Variants in CDH13 observed in about 807,000 individuals in gnomAD.
CDH13 encodes the protein cadherin 13.
A neutral mutation model predicts 63.8 loss-of-function variants in CDH13; 24 were observed. The ratio of observed to expected loss-of-function variants is 0.38; its 90% CI spans 0.27 to 0.53. The LOEUF (loss-of-function observed/expected upper bound fraction) is 0.53. Among genes scored for constraint, CDH13 ranks in the 20% least tolerant of loss-of-function variants. CDH13 has a pLI of 0.85. For missense variants in CDH13, 1,049 were observed against 903.1 expected (o/e 1.16, Z -2.07); for synonymous variants, 503 against 355.3 (o/e 1.42, Z -4.67).
At chr16:83,731,448 C>T (rs1402043544) in intron 10 of CDH13, among the ~76,000 whole-genome samples, 1 of 152,118 alleles carries the variant, frequency 6.6e-6, no homozygotes, top group Non-Finnish European at 1.5e-5. Context: ...TGTTTGTTGA[C>T]CGCACGTATG....
chr16:82,784,338 C>T (rs1286987234), intron 1 of CDH13, among the ~76,000 whole-genome samples: 1 of 152,178 alleles, frequency 6.6e-6, no homozygotes, highest in Non-Finnish European at 1.5e-5. Flanking sequence ...TGGACTGTGC[C>T]TGGAAGTGGC....
intron 1 of CDH13, among the ~76,000 whole-genome samples, chr16:82,761,773 G>T (rs2034866011): frequency 2.0e-5 from 3 of 152,178 alleles, no homozygotes; most frequent in Admixed American, 2.0e-4. Context: ...CTAAGAGTGA[G>T]AATGATTCAA....
At chr16:83,309,596 C>T (rs751218613) in intron 5 of CDH13, among the ~76,000 whole-genome samples, 4 of 151,934 alleles carry the variant, frequency 2.6e-5, no homozygotes, top group Non-Finnish European at 5.9e-5. Context: ...AGGCTGATCT[C>T]GAACTCCTGA....
chr16:83,679,202 A>G (rs1347850831), intron 10 of CDH13, among the ~76,000 whole-genome samples: 2 of 152,226 alleles, frequency 1.3e-5, no homozygotes, highest in South Asian at 2.1e-4. Flanking sequence ...AATGGTCGCT[A>G]TCCACCCGTG....
At position 83,032,696 on chromosome 16, in the gene CDH13, C is replaced by G. The variant is rs372621571; in HGVS notation, c.366+478C>G. On this transcript the variant is annotated intron_variant, in intron 3 of 13. Coordinates refer to ENST00000567109, the MANE Select transcript of CDH13 (RefSeq NM_001257.5). ...TCGTAGGTTAGATCATGTGTCCACC[C>G]CTGAACTAAACATGGTGTCCATTGG... Among the ~76,000 whole-genome samples the G allele has an allele frequency of 1.3e-4, 20 of 152,192 alleles. No individual in the cohort carries two copies. The East Asian group carries it at 3.1e-3, about 24-fold the overall frequency.
intron 10 of CDH13, among the ~76,000 whole-genome samples, chr16:83,745,024 G>A (rs748363551): frequency 1.3e-5 from 2 of 152,090 alleles, no homozygotes; most frequent in Non-Finnish European, 2.9e-5. Flanking sequence ...ATATCTCTAG[G>A]CCTCTCAGTT....
chr16:83,614,908 G>A (rs946439496), intron 8 of CDH13, among the ~76,000 whole-genome samples: 2 of 152,178 alleles, frequency 1.3e-5, no homozygotes, highest in African/African-American at 4.8e-5. Context: ...AGTTTAAAAT[G>A]TTTGAAGTGT....
chr16:82,776,855 A>G (rs2035523251), intron 1 of CDH13, among the ~76,000 whole-genome samples: 1 of 152,216 alleles, frequency 6.6e-6, no homozygotes, highest in Non-Finnish European at 1.5e-5. Context: ...AGCATTTTGC[A>G]CAGAACCAAA....
intron 2 of CDH13, among the ~76,000 whole-genome samples, chr16:82,998,306 T>A (rs1190726620): frequency 1.3e-5 from 2 of 152,248 alleles, no homozygotes. Context: ...ATATATTGAC[T>A]GAAGACATTT....
chr16:83,794,527 G>A (rs1203646006), intron 13 of CDH13, among the ~76,000 whole-genome samples: 1 of 152,116 alleles, frequency 6.6e-6, no homozygotes, highest in Non-Finnish European at 1.5e-5. Context: ...CACTCCAGCT[G>A]GGGCAACAGA....
intron 5 of CDH13, among the ~76,000 whole-genome samples, chr16:83,297,819 A>T (rs901575815): frequency 6.6e-6 from 1 of 152,158 alleles, no homozygotes; most frequent in Non-Finnish European, 1.5e-5. Flanking sequence ...GACATTCAAG[A>T]TAGACTTCTA....
At position 83,014,774 on chromosome 16, in the gene CDH13, A is replaced by ATATATATT. The variant is rs1394588994; in HGVS notation, c.158-17235_158-17234insATATATTT. Among the ~76,000 whole-genome samples the ATATATATT allele has an allele frequency of 2.0e-3, 73 of 36,294 alleles. 1 individual carries two copies. The highest frequency in any genetic ancestry group is 2.9e-3 in the Non-Finnish European group (52 of 17,804). The allele number at this position is 36,294 out of a possible 152,430, so 23.8% of individuals were successfully genotyped here. Reference sequence around the variant, plus strand: ...TATATATATATATATATATATATATATGTATATATATATATTTGTATATAT... The same window carrying ATATATATT: ...TATATATATATATATATATATATATATATATATTTGTATATATATATATTTGTATATAT... On this transcript the variant is annotated intron_variant, in intron 2 of 13. Coordinates refer to ENST00000567109, the MANE Select transcript of CDH13 (RefSeq NM_001257.5).
chr16:83,077,179 T>A (rs993606636), intron 3 of CDH13, among the ~76,000 whole-genome samples: 1 of 133,562 alleles, frequency 7.5e-6, no homozygotes, highest in East Asian at 2.1e-4. Flanking sequence ...TTTCTTTTTT[T>A]TCTTTTCTTT....
At chr16:83,094,185 C>T (rs2034074655) in intron 3 of CDH13, among the ~76,000 whole-genome samples, 1 of 152,140 alleles carries the variant, frequency 6.6e-6, no homozygotes, top group Non-Finnish European at 1.5e-5. Flanking sequence ...GGAGAAGCTC[C>T]CAGGCAAGGC....
At chr16:82,627,866 G>T (rs1907532978) in intron 1 of CDH13, among the ~76,000 whole-genome samples, 1 of 152,246 alleles carries the variant, frequency 6.6e-6, no homozygotes, top group South Asian at 2.1e-4. Context: ...TGGAGCTCCG[G>T]CCAGATCCCG....
chr16:83,585,903 T>C (rs971793658), intron 7 of CDH13, among the ~76,000 whole-genome samples: 2 of 152,030 alleles, frequency 1.3e-5, no homozygotes, highest in African/African-American at 2.4e-5. Context: ...GTTGAGAGTA[T>C]AAGGTACAGA....
chr16:83,164,213 G>A (rs2037565031), intron 4 of CDH13, among the ~76,000 whole-genome samples: 2 of 152,032 alleles, frequency 1.3e-5, no homozygotes, highest in Non-Finnish European at 2.9e-5. Flanking sequence ...CTGTCAACCT[G>A]TAGAAGTAGG....
chr16:83,614,946 G>A (rs1328118774), intron 8 of CDH13, among the ~76,000 whole-genome samples: 1 of 152,150 alleles, frequency 6.6e-6, no homozygotes, highest in African/African-American at 2.4e-5. Flanking sequence ...CGATAAGCAA[G>A]AAGGGAACTC....
At chr16:82,970,279 T>C (rs1218033386) in intron 2 of CDH13, among the ~76,000 whole-genome samples, 1 of 152,166 alleles carries the variant, frequency 6.6e-6, no homozygotes, top group Non-Finnish European at 1.5e-5. Flanking sequence ...TATGGCTGCA[T>C]AGTATTCCCT....
Sources: gnomAD v4.1 joint callset for allele counts (sites outside exome capture counted in the v4.1 genomes callset) on GRCh38, gnomAD v4.1.1 for gene constraint, MANE v1.5 for transcripts, NCBI Gene and HGNC (gene_info 2026-07-23, HGNC 2026-07-21) for gene names.